The following RIF1 variants were observed in gnomAD, a reference collection of about 807,000 sequenced individuals.
RIF1 encodes replication timing regulatory factor 1.
RIF1 carries 45 observed loss-of-function variants against 247.1 expected under a neutral mutation model. The ratio of observed to expected loss-of-function variants is 0.18; its 90% CI spans 0.14 to 0.23. RIF1 has a LOEUF of 0.23. Ranked by LOEUF, RIF1 falls within the 10% of genes least tolerant of loss-of-function variation. The probability of loss-of-function intolerance (pLI) is 1.00; values close to 1 mark genes in which losing one functional copy is unlikely to be tolerated. For missense variants in RIF1, 2,967 were observed against 2,862.5 expected, an observed-to-expected ratio of 1.04 and a Z score of -0.83; for synonymous variants, 1,087 against 978.8, an observed-to-expected ratio of 1.11 and a Z score of -2.06.
chr2:151,521,209 A>G, the RIF1 span, among the ~76,000 whole-genome samples: 5 of 152,188 alleles, frequency 3.3e-5, no homozygotes, highest in Admixed American at 3.3e-4. Flanking sequence ...TAACAATGAA[A>G]TCTGCCACAT....
chr2:151,446,701 G>A (rs1392537289), intron 20 of RIF1, 126 bp downstream of exon 20: 1 of 939,620 alleles, frequency 1.1e-6, no homozygotes, highest in East Asian at 2.4e-5. Flanking sequence ...AGTTGATACT[G>A]CAAACAAGTA....
Position 151,437,267 on chromosome 2 carries a change from A to G in RIF1, c.1399A>G (p.Ser467Gly), listed in dbSNP as rs1558966502. Residue 467 changes from serine (S) to glycine (G), a missense_variant, in exon 13 of 36, where the codon AGC (serine) becomes GGC (glycine). Transcript: ENST00000444746. ...LEPLEHPLIS[S>G]PSFFSKHANT... ...GCCATTGGAACATCCGTTAATCAGC[A>G]GCCCTTCCTTTTTTTCCAAACATGC... The G allele has an allele frequency of 2.5e-6, 4 of 1,613,536 alleles. No homozygotes were observed. The highest frequency in any genetic ancestry group is 3.4e-6 in the Non-Finnish European group (4 of 1,179,470).
chr2:151,527,264 A>G, the RIF1 span, among the ~76,000 whole-genome samples: 1 of 151,102 alleles, frequency 6.6e-6, no homozygotes, highest in Non-Finnish European at 1.5e-5. Context: ...GTCAGAACTC[A>G]GTCATTTGTG....
intron 30 of RIF1, 83 bp downstream of exon 30, chr2:151,466,203 A>G (rs2152507195): frequency 1.4e-6 from 1 of 713,168 alleles, no homozygotes; most frequent in East Asian, 2.5e-5. Context: ...GGTGAATGAC[A>G]AAATATTACA....
At chr2:151,527,456 A>G in the RIF1 span, 1 of 1,540,852 alleles carries the variant, frequency 6.5e-7, no homozygotes, top group African/African-American at 1.4e-5. Context: ...TGCAGTTACA[A>G]TCGTCTGTGT....
chr2:151,457,084 A>G (rs560899231), intron 23 of RIF1, among the ~76,000 whole-genome samples: 1 of 147,860 alleles, frequency 6.8e-6, no homozygotes, highest in East Asian at 1.9e-4. Context: ...ACACATTTAT[A>G]GGGTTTTTTT....
the RIF1 span, among the ~76,000 whole-genome samples, chr2:151,531,308 C>CTTTCT: frequency 1.1e-4 from 9 of 84,032 alleles, 1 homozygote; most frequent in East Asian, 2.7e-3. Flanking sequence ...TTTTTTCTTT[C>CTTTCT]TTTTTTTTTT....
At chr2:151,497,546 G>A (rs2061052589) in intron 10 of RIF1, 1 of 1,521,990 alleles carries the variant, frequency 6.6e-7, no homozygotes, top group East Asian at 2.5e-5. Flanking sequence ...TAAAAAGTAG[G>A]ATTAATACGT....
chr2:151,469,793 A>G lies in RIF1; in HGVS notation c.7024A>G (p.Lys2342Glu). 1 of 1,612,248 alleles carries G rather than the reference A, an allele frequency of 6.2e-7. No homozygotes were observed. Among genetic ancestry groups the G allele is most frequent in the South Asian group, 1.1e-5 (1 of 90,854 alleles). The change falls in exon 34 of 36, where the codon AAA becomes GAA. Residue 2342 changes from lysine (K) to glutamate (E), a missense_variant. Physicochemically the swap from Lys to Glu is moderately conservative, Grantham distance 56. Transcript: ENST00000444746. Reference protein sequence around the residue: ...DLSTLTASEIKTLPIRSPKVS... With the variant: ...DLSTLTASEIETLPIRSPKVS... ...GAGTACTCTTACAGCATCTGAAATA[A>G]AAACTCTTCCTATCCGTTCTCCAAA...
chr2:151,514,266 C>T, the RIF1 span: 3 of 1,302,474 alleles, frequency 2.3e-6, no homozygotes, highest in Non-Finnish European at 3.3e-6. Context: ...ATTTGGCTAA[C>T]AAAGAAATGA....
chr2:151,469,139 T>G (rs1268590991), intron 33 of RIF1, among the ~76,000 whole-genome samples: 2 of 152,174 alleles, frequency 1.3e-5, no homozygotes, highest in African/African-American at 4.8e-5. Flanking sequence ...TACATAAAAC[T>G]TGTTCATCAG....
In RIF1 at chr2:151,416,708, A is replaced by G. The variant is rs1246634540; in HGVS notation, c.408+20A>G. ...AAAATGGTGAGTATAGTTTTTGGGT[A>G]TGCCATCTTAACTATATGCCAATTA... is the stretch of plus-strand genomic sequence containing the variant. On this transcript the variant is annotated intron_variant, in intron 5 of 35. Transcript: ENST00000444746. The G allele has an allele frequency of 2.5e-6, 4 of 1,610,988 alleles. No homozygotes were observed. Among genetic ancestry groups the G allele is most frequent in the African/African-American group, 2.7e-5 (2 of 74,840 alleles).
intron 10 of RIF1, chr2:151,497,141 C>G: frequency 7.2e-7 from 1 of 1,383,688 alleles, no homozygotes; most frequent in Non-Finnish European, 9.9e-7. Context: ...CACAGTTGTC[C>G]AAGGAGCCAG....
chr2:151,419,971 C>A (rs1687895586), intron 6 of RIF1, among the ~76,000 whole-genome samples: 1 of 152,002 alleles, frequency 6.6e-6, no homozygotes, highest in African/African-American at 2.4e-5. Flanking sequence ...TGAAATGTTT[C>A]AATCTAAAGA....
chr2:151,434,766 AG>A (rs1690844777), intron 10 of RIF1, among the ~76,000 whole-genome samples: 1 of 151,538 alleles, frequency 6.6e-6, no homozygotes, highest in Non-Finnish European at 1.5e-5. Flanking sequence ...TACAGTTAAA[AG>A]GAGCAGCTCT....
intron 9 of RIF1, among the ~76,000 whole-genome samples, chr2:151,430,987 T>G (rs1245906582): frequency 6.6e-6 from 1 of 152,192 alleles, no homozygotes; most frequent in Non-Finnish European, 1.5e-5. Flanking sequence ...GTAGCTTATT[T>G]TTATGTTTAT....
intron 9 of RIF1, chr2:151,493,819 G>T: frequency 6.3e-7 from 1 of 1,588,554 alleles, no homozygotes. Context: ...TCCATCTCAG[G>T]AGTAAAGGGT....
At chr2:151,467,849 G>A in intron 30 of RIF1, 151 bp from the exon 31 acceptor site, 1 of 608,954 alleles carries the variant, frequency 1.6e-6, no homozygotes, top group Non-Finnish European at 2.8e-6. Context: ...GATCTGTGAA[G>A]GCAGTCGCTA....
At chr2:151,512,764 T>A (rs776379234), downstream of RIF1, 2 of 1,613,888 alleles carry the variant, frequency 1.2e-6, no homozygotes, top group South Asian at 1.1e-5. Context: ...TTGTTGGGCA[T>A]GAATGATCTC....
Sources: gnomAD v4.1 joint callset for allele counts (sites outside exome capture counted in the v4.1 genomes callset) on GRCh38, gnomAD v4.1.1 for gene constraint, MANE v1.5 for transcripts, NCBI Gene and HGNC (gene_info 2026-07-23, HGNC 2026-07-21) for gene names.